COL22A1: variants seen among roughly 807,000 people sequenced by gnomAD.
COL22A1 encodes collagen alpha-1(XXII) chain.
In COL22A1, 221 loss-of-function variants were observed where a neutral mutation model predicts 248.9. That is an observed-to-expected ratio of 0.89 (90% CI 0.80 to 0.99). The LOEUF is 0.99. COL22A1 is among the 50% of genes least tolerant of loss of function. The pLI is 0.00. For synonymous variants in COL22A1, 891 were observed against 793.4 expected, an observed-to-expected ratio of 1.12 and a Z score of -2.07; for missense variants, 2,240 against 2,179.0, an observed-to-expected ratio of 1.03 and a Z score of -0.56.
chr8:138,589,261 C>G lies in COL22A1; in HGVS notation c.4873G>C (p.Gly1625Arg). 1 of 1,613,662 alleles carries G rather than the reference C, an allele frequency of 6.2e-7. No individual in the cohort carries two copies. The highest frequency in any genetic ancestry group is 8.5e-7 in the Non-Finnish European group (1 of 1,179,806). The change falls in exon 65 of 65, where the codon GGT becomes CGT. Residue 1625 changes from glycine to arginine, a missense_variant. Coordinates refer to ENST00000303045, the MANE Select transcript of COL22A1 (RefSeq NM_152888.3). ...TGGCTTTCCAGAGTCCTTTAGGGAC[C>G]CTTCACATTACCCGGCCGGGCAGCA... ...SLAARPGNVKGP is the reference protein window; with the variant it reads ...SLAARPGNVKRP
At chr8:138,760,168 G>A (rs943540414) in intron 18 of COL22A1, 75 bp downstream of exon 18, 20 of 1,299,630 alleles carry the variant, frequency 1.5e-5, no homozygotes, top group Admixed American at 6.0e-5. Context: ...CCCTGAGCCT[G>A]GTTTGCCAAG....
At chr8:138,592,697 C>T (rs1017286999) in intron 63 of COL22A1, among the ~76,000 whole-genome samples, 1 of 151,748 alleles carries the variant, frequency 6.6e-6, no homozygotes, top group Admixed American at 6.6e-5. Context: ...TAAAATGACA[C>T]CACATGCTCC....
intron 9 of COL22A1, among the ~76,000 whole-genome samples, chr8:138,810,069 T>C (rs1879052): frequency 0.011 from 1,663 of 151,966 alleles, 29 homozygotes; most frequent in African/African-American, 0.033. Flanking sequence ...TATGCTGTCA[T>C]GGAAATAGCA....
chr8:138,811,029 G>C (rs1431407520), intron 9 of COL22A1, among the ~76,000 whole-genome samples: 1 of 152,148 alleles, frequency 6.6e-6, no homozygotes, highest in African/African-American at 2.4e-5. Flanking sequence ...CCCCAGCACA[G>C]TTCTACTTGG....
intron 3 of COL22A1, among the ~76,000 whole-genome samples, chr8:138,868,449 G>A (rs1217395669): frequency 6.6e-6 from 1 of 152,162 alleles, no homozygotes; most frequent in East Asian, 1.9e-4. Context: ...AGAGAAGGGG[G>A]ATAGTTAGGA....
chr8:138,641,647 C>T (rs773217814), intron 47 of COL22A1, among the ~76,000 whole-genome samples: 23 of 152,206 alleles, frequency 1.5e-4, no homozygotes, highest in South Asian at 4.2e-4. Flanking sequence ...CTCCTCATGC[C>T]GGCCACTGAA....
chr8:138,733,866 T>C (rs1368325006), intron 23 of COL22A1, among the ~76,000 whole-genome samples: 1 of 152,170 alleles, frequency 6.6e-6, no homozygotes, highest in Non-Finnish European at 1.5e-5. Context: ...GATCTGCAAA[T>C]TAGCCCATCC....
intron 62 of COL22A1, among the ~76,000 whole-genome samples, chr8:138,596,236 C>A (rs1161554536): frequency 6.6e-6 from 1 of 152,198 alleles, no homozygotes; most frequent in East Asian, 1.9e-4. Flanking sequence ...ACATGCTAGA[C>A]CTGGGGACTT....
At chr8:138,788,288 T>C (rs577691543) in intron 12 of COL22A1, among the ~76,000 whole-genome samples, 1 of 152,318 alleles carries the variant, frequency 6.6e-6, no homozygotes, top group South Asian at 2.1e-4. Context: ...TTTGCCAGCA[T>C]GACAAATGCA....
intron 44 of COL22A1, among the ~76,000 whole-genome samples, chr8:138,657,108 A>G (rs887334356): frequency 3.9e-5 from 6 of 152,308 alleles, no homozygotes; most frequent in Middle Eastern, 3.4e-3. Flanking sequence ...AGGGACTGAG[A>G]GAGACTGGGG....
intron 10 of COL22A1, among the ~76,000 whole-genome samples, chr8:138,807,009 T>C (rs891570936): frequency 1.3e-5 from 2 of 152,054 alleles, no homozygotes; most frequent in Non-Finnish European, 2.9e-5. Context: ...AATGATGCAC[T>C]GAATACATTA....
chr8:138,749,875 G>A (rs7461196), intron 22 of COL22A1, among the ~76,000 whole-genome samples: 11,560 of 152,194 alleles, frequency 0.076, 880 homozygotes, highest in African/African-American at 0.19. Flanking sequence ...AATGGGAAGT[G>A]GGGGCGAGTG....
At position 138,760,253 on chromosome 8, in the gene COL22A1, T is replaced by C; in HGVS notation, c.1892A>G (p.Gln631Arg). ...RPGPSGVAGPQGEKGDVGPAG... is the reference protein window; with the variant it reads ...RPGPSGVAGPRGEKGDVGPAG... ...CCCAGGCTCGCTCACCTTTTCTCCCTGGGGTCCTGCCACACCAGAAGGGCC... is the reference window on the plus strand; with the variant it reads ...CCCAGGCTCGCTCACCTTTTCTCCCCGGGGTCCTGCCACACCAGAAGGGCC... Residue 631 changes from glutamine (Q) to arginine (R), a missense_variant, in exon 18 of 65, where the codon CAG becomes CGG. Transcript: ENST00000303045. 6.3e-7 allele frequency: 1 copy of C among 1,584,160 alleles called. No individual in the cohort carries two copies. Among genetic ancestry groups the C allele is most frequent in the Non-Finnish European group, 8.6e-7 (1 of 1,165,784 alleles).
chr8:138,889,480 G>A (rs533363320), intron 1 of COL22A1, among the ~76,000 whole-genome samples: 5 of 152,092 alleles, frequency 3.3e-5, no homozygotes, highest in Middle Eastern at 3.4e-3. Context: ...ACCAAACACC[G>A]CATGTTCTCA....
intron 4 of COL22A1, among the ~76,000 whole-genome samples, chr8:138,838,206 T>C (rs1480147652): frequency 6.6e-6 from 1 of 152,108 alleles, no homozygotes; most frequent in African/African-American, 2.4e-5. Flanking sequence ...GCAAAGGGGA[T>C]AGGCAGCCAC....
chr8:138,872,776 CAT>C (rs1367588111), intron 3 of COL22A1, among the ~76,000 whole-genome samples: 1 of 152,198 alleles, frequency 6.6e-6, no homozygotes, highest in East Asian at 1.9e-4. Flanking sequence ...CAAGGAAACA[CAT>C]AGCCACCAGC....
chr8:138,654,602 G>A (rs1333161060), intron 45 of COL22A1, among the ~76,000 whole-genome samples: 1 of 152,168 alleles, frequency 6.6e-6, no homozygotes, highest in Non-Finnish European at 1.5e-5. Flanking sequence ...GAGTTACGAA[G>A]AGGCTTGAAG....
chr8:138,672,413 C>T (rs948808532), intron 41 of COL22A1, among the ~76,000 whole-genome samples: 7 of 151,970 alleles, frequency 4.6e-5, no homozygotes, highest in African/African-American at 1.5e-4. Context: ...TATATTATTC[C>T]TTGGAAGGTG....
intron 39 of COL22A1, 54 bp from the exon 40 acceptor site, chr8:138,679,730 A>AC: frequency 6.6e-7 from 1 of 1,520,256 alleles, no homozygotes; most frequent in Non-Finnish European, 9.1e-7. Flanking sequence ...TTTACCAAGC[A>AC]CCTAAAATAA....
Sources: gnomAD v4.1 joint callset for allele counts (sites outside exome capture counted in the v4.1 genomes callset) on GRCh38, gnomAD v4.1.1 for gene constraint, MANE v1.5 for transcripts, NCBI Gene and HGNC (gene_info 2026-07-23, HGNC 2026-07-21) for gene names.